The following RAPGEF5 variants were observed in gnomAD, a reference collection of about 807,000 sequenced individuals.
RAPGEF5 encodes the protein Rap guanine nucleotide exchange factor 5.
Under a neutral mutation model 125.2 loss-of-function variants are expected in RAPGEF5, and 65 were observed. The observed-to-expected ratio is 0.52, with a 90% CI of 0.43 to 0.64. RAPGEF5 has a LOEUF of 0.64. RAPGEF5 is among the 30% of genes least tolerant of loss of function. The pLI is 0.00. For synonymous variants in RAPGEF5, 391 were observed against 385.9 expected (o/e 1.01, Z -0.16); for missense variants, 958 against 1,048.1 (o/e 0.91, Z 1.19).
intron 7 of RAPGEF5, among the ~76,000 whole-genome samples, chr7:22,233,424 T>C (rs1786109279): frequency 6.6e-6 from 1 of 152,214 alleles, no homozygotes; most frequent in African/African-American, 2.4e-5. Flanking sequence ...TGAATTCATG[T>C]TTTTGGTTTT....
chr7:22,247,497 C>T (rs1372460662), intron 7 of RAPGEF5, among the ~76,000 whole-genome samples: 1 of 152,082 alleles, frequency 6.6e-6, no homozygotes, highest in Non-Finnish European at 1.5e-5. Context: ...TTATAAAGGG[C>T]AGTTCCCACA....
chr7:22,200,834 T>A (rs1307348336), intron 9 of RAPGEF5, among the ~76,000 whole-genome samples: 1 of 152,216 alleles, frequency 6.6e-6, no homozygotes, highest in East Asian at 1.9e-4. Context: ...CTTCAGCTAG[T>A]AACCTACTGC....
At chr7:22,245,822 C>T (rs773534669) in intron 7 of RAPGEF5, among the ~76,000 whole-genome samples, 3 of 152,048 alleles carry the variant, frequency 2.0e-5, no homozygotes, top group Non-Finnish European at 4.4e-5. Context: ...TTCACTGATA[C>T]GATTCTATAC....
At chr7:22,289,950 A>C (rs1401522923) in intron 6 of RAPGEF5, among the ~76,000 whole-genome samples, 1 of 152,190 alleles carries the variant, frequency 6.6e-6, no homozygotes, top group African/African-American at 2.4e-5. Context: ...CAGGATTGTA[A>C]GTTTCCTGAG....
At chr7:22,123,683 C>T (rs1024730702) in intron 25 of RAPGEF5, among the ~76,000 whole-genome samples, 2 of 152,180 alleles carry the variant, frequency 1.3e-5, no homozygotes, top group African/African-American at 4.8e-5. Context: ...AGCAAGTAAA[C>T]ACACTAGGTG....
At chr7:22,221,113 T>G (rs888845115) in intron 8 of RAPGEF5, among the ~76,000 whole-genome samples, 1 of 152,238 alleles carries the variant, frequency 6.6e-6, no homozygotes, top group African/African-American at 2.4e-5. Flanking sequence ...AAAAAATTTC[T>G]GACGTGGCCC....
intron 16 of RAPGEF5, among the ~76,000 whole-genome samples, chr7:22,155,318 A>T (rs1449946744): frequency 2.0e-5 from 3 of 152,218 alleles, no homozygotes; most frequent in Non-Finnish European, 1.5e-5. Flanking sequence ...TGGGTCCTGA[A>T]AAATGTTTTC....
intron 8 of RAPGEF5, among the ~76,000 whole-genome samples, chr7:22,220,716 G>GAAA (rs34262187): frequency 6.8e-6 from 1 of 146,306 alleles, no homozygotes. Flanking sequence ...TTTGAAATAG[G>GAAA]AAAAAAAAAA....
At chr7:22,204,112 AC>A (rs1313623441) in intron 9 of RAPGEF5, among the ~76,000 whole-genome samples, 1 of 152,230 alleles carries the variant, frequency 6.6e-6, no homozygotes, top group Non-Finnish European at 1.5e-5. Context: ...TTACAACTGA[AC>A]AACAAGAGGA....
At chr7:22,238,508 A>T (rs1786247232) in intron 7 of RAPGEF5, among the ~76,000 whole-genome samples, 1 of 152,204 alleles carries the variant, frequency 6.6e-6, no homozygotes, top group Non-Finnish European at 1.5e-5. Context: ...CTCACCAACC[A>T]AAGCCAACTA....
intron 7 of RAPGEF5, among the ~76,000 whole-genome samples, chr7:22,232,213 C>T (rs1786075103): frequency 6.6e-6 from 1 of 152,078 alleles, no homozygotes; most frequent in South Asian, 2.1e-4. Context: ...GCCATTTATG[C>T]TTTTTGCCCT....
At chr7:22,331,758 A>AG (rs1583584351) in intron 1 of RAPGEF5, among the ~76,000 whole-genome samples, 1 of 151,392 alleles carries the variant, frequency 6.6e-6, no homozygotes, top group East Asian at 1.9e-4. Flanking sequence ...AAAAAAAAAA[A>AG]AAAGAAAAAA....
Position 22,183,481 on chromosome 7 carries a change from T to C in RAPGEF5, c.1204+9886A>G, listed in dbSNP as rs557460744. Among the ~76,000 whole-genome samples, 9 of 152,254 alleles carry C rather than the reference T, an allele frequency of 5.9e-5. No individual in the cohort carries two copies. In the South Asian group the frequency reaches 1.9e-3, roughly 32 times the overall value. Reference sequence around the variant, plus strand: ...CTACAAAGAAAGAACCAAAGTTCTCTATGGAAGTCTAGCTAAAAAGATGAG... The same window carrying C: ...CTACAAAGAAAGAACCAAAGTTCTCCATGGAAGTCTAGCTAAAAAGATGAG... On this transcript the variant is annotated intron_variant, in intron 11 of 25. Coordinates refer to ENST00000665637, the MANE Select transcript of RAPGEF5 (RefSeq NM_012294.5).
chr7:22,253,099 G>T (rs2128138700), intron 7 of RAPGEF5, among the ~76,000 whole-genome samples: 2 of 152,126 alleles, frequency 1.3e-5, no homozygotes, highest in East Asian at 3.9e-4. Flanking sequence ...TTAGAACAAT[G>T]AGTTATTATA....
chr7:22,261,270 C>A (rs868429724), intron 7 of RAPGEF5, among the ~76,000 whole-genome samples: 1 of 151,590 alleles, frequency 6.6e-6, no homozygotes, highest in South Asian at 2.1e-4. Context: ...AATGTACAAC[C>A]GAGAATTAAA....
At chr7:22,139,549 G>A (rs900480912) in intron 21 of RAPGEF5, among the ~76,000 whole-genome samples, 14 of 152,268 alleles carry the variant, frequency 9.2e-5, no homozygotes, top group African/African-American at 3.4e-4. Context: ...TGCAGAGCCA[G>A]GAAGTGGGAG....
intron 6 of RAPGEF5, among the ~76,000 whole-genome samples, chr7:22,277,745 T>G (rs942819089): frequency 4.6e-5 from 7 of 152,164 alleles, no homozygotes; most frequent in Non-Finnish European, 7.4e-5. Context: ...GAGCCAGCAA[T>G]GACATGATGA....
intron 1 of RAPGEF5, among the ~76,000 whole-genome samples, chr7:22,355,029 G>C (rs1171879457): frequency 2.0e-5 from 3 of 152,184 alleles, no homozygotes; most frequent in Non-Finnish European, 4.4e-5. Context: ...GAAGAAAGGG[G>C]AAATAAACAG....
chr7:22,317,573 C>T (rs1266625253), intron 2 of RAPGEF5, among the ~76,000 whole-genome samples: 2 of 152,076 alleles, frequency 1.3e-5, no homozygotes, highest in African/African-American at 2.4e-5. Context: ...TGATTCTTTA[C>T]TGCAACACAA....
Sources: allele counts gnomAD v4.1 joint callset (sites outside exome capture counted in the v4.1 genomes callset), GRCh38; gene constraint gnomAD v4.1.1; transcripts MANE v1.5; gene names NCBI Gene and HGNC (gene_info 2026-07-23, HGNC 2026-07-21).